The following BICRA variants were observed in gnomAD, a reference collection of about 807,000 sequenced individuals.
BICRA encodes BRD4 interacting chromatin remodeling complex associated protein, also known as BRD4-interacting chromatin-remodeling complex-associated protein.
Under a neutral mutation model 96.9 loss-of-function variants are expected in BICRA, and 31 were observed. The observed-to-expected ratio is 0.32, with a 90% CI of 0.24 to 0.43. The LOEUF (loss-of-function observed/expected upper bound fraction) is 0.43. BICRA is among the 20% of genes least tolerant of loss of function. BICRA has a pLI of 1.00. For missense variants in BICRA, 2,283 were observed against 2,190.3 expected (o/e 1.04, Z -0.84); for synonymous variants, 1,350 against 1,071.8 (o/e 1.26, Z -5.07).
intron 1 of BICRA, among the ~76,000 whole-genome samples, chr19:47,629,936 C>T (rs1275308305): frequency 6.6e-6 from 1 of 152,238 alleles, no homozygotes; most frequent in Admixed American, 6.5e-5. Flanking sequence ...GCTGGGATTA[C>T]AGGCATGAGC....
upstream of BICRA, among the ~76,000 whole-genome samples, chr19:47,608,656 G>A (rs953512373): frequency 1.1e-4 from 16 of 151,976 alleles, no homozygotes; most frequent in Admixed American, 2.6e-4. Context: ...GCGCGCCCCT[G>A]AACCCCCGGG....
chr19:47,684,651 C>T (rs1186816629), intron 7 of BICRA, among the ~76,000 whole-genome samples: 1 of 152,302 alleles, frequency 6.6e-6, no homozygotes, highest in Non-Finnish European at 1.5e-5. Flanking sequence ...TCACCACCTC[C>T]ACCAGGTAGG....
chr19:47,672,611 G>C (rs540637108), intron 2 of BICRA, among the ~76,000 whole-genome samples: 2 of 152,086 alleles, frequency 1.3e-5, no homozygotes, highest in African/African-American at 4.8e-5. Flanking sequence ...AGGCAGGGAA[G>C]GGAGGGATGT....
chr19:47,673,504 G>A, intron 2 of BICRA, 66 bp from the exon 3 acceptor site: 1 of 1,301,026 alleles, frequency 7.7e-7, no homozygotes, highest in Non-Finnish European at 1.1e-6. Flanking sequence ...GAAGGGAGGG[G>A]GCCAGGCAAG....
At chr19:47,688,114 C>T (rs1467036897) in intron 7 of BICRA, among the ~76,000 whole-genome samples, 5 of 151,986 alleles carry the variant, frequency 3.3e-5, no homozygotes, top group Admixed American at 6.6e-5. Context: ...GCCGCCTCCA[C>T]GTGGGGCTCT....
chr19:47,694,091 C>CCCCAA, intron 7 of BICRA, 24 bp from the exon 8 acceptor site: 1 of 1,406,844 alleles, frequency 7.1e-7, no homozygotes, highest in Non-Finnish European at 9.3e-7. Context: ...CCGCCCCTCC[C>CCCCAA]CTCTCCCTCC....
In BICRA at chr19:47,698,603, C is replaced by CCGGG; in HGVS notation, c.3249-31_3249-30insCGGG. The stretch of plus-strand genomic sequence containing the variant: ...CTCACCCGTCCCCCCCACCCTCCGC[C>CCGGG]GTGTGTGGTCTCTCCCCTTTCCACC... On this transcript the variant is annotated intron_variant, in intron 11 of 14. Coordinates refer to ENST00000594866, the MANE Select transcript of BICRA (RefSeq NM_001394372.1). This position sits in a 1 kb window ranked among gnomAD's most constrained non-coding sequence, Gnocchi z 4.8. 1 of 1,103,452 alleles carries CCGGG rather than the reference C, an allele frequency of 9.1e-7. No individual in the cohort carries two copies. The highest frequency in any genetic ancestry group is 1.3e-5 in the South Asian group (1 of 78,122). 68.4% of individuals were successfully genotyped at this position (1,103,452 alleles called of 1,614,324 possible).
chr19:47,682,554 A>G (rs1973081934), intron 7 of BICRA, among the ~76,000 whole-genome samples: 1 of 152,174 alleles, frequency 6.6e-6, no homozygotes, highest in African/African-American at 2.4e-5. Context: ...TGGATAGGGA[A>G]ACAGAATCAA....
At chr19:47,633,922 G>A (rs1165989194) in intron 1 of BICRA, among the ~76,000 whole-genome samples, 1 of 152,194 alleles carries the variant, frequency 6.6e-6, no homozygotes, top group African/African-American at 2.4e-5. Context: ...GCCGAGGGGC[G>A]TTCTGTGCGT....
intron 7 of BICRA, among the ~76,000 whole-genome samples, chr19:47,689,221 A>ATT (rs1266073480): frequency 6.6e-6 from 1 of 152,200 alleles, no homozygotes; most frequent in East Asian, 1.9e-4. Flanking sequence ...TATTTAAAAC[A>ATT]TTTTTTAAAT....
intron 1 of BICRA, among the ~76,000 whole-genome samples, chr19:47,664,120 A>T (rs548387210): frequency 1.8e-4 from 28 of 152,316 alleles, no homozygotes; most frequent in African/African-American, 6.0e-4. Context: ...TTGCCACATC[A>T]TTTGCACTTC....
At chr19:47,629,730 T>C (rs1355004581) in intron 1 of BICRA, among the ~76,000 whole-genome samples, 7 of 152,170 alleles carry the variant, frequency 4.6e-5, no homozygotes. Context: ...CGATCTCGAC[T>C]CACTGCAACC....
At position 47,694,303 on chromosome 19, in the gene BICRA, ACCCCAGGCCC is replaced by A; in HGVS notation, c.2478_2487del (p.Ala827LeufsTer12). The A allele has an allele frequency of 4.7e-6, 1 of 214,586 alleles. No homozygotes were observed. Among genetic ancestry groups the A allele is most frequent in the Non-Finnish European group, 7.9e-6 (1 of 127,346 alleles). 13.3% of individuals were successfully genotyped at this position (214,586 alleles called of 1,614,324 possible). A position where few individuals can be genotyped will look rare whatever the true frequency, so the allele number is the denominator to read the frequency against. Reference sequence around the variant, plus strand: ...AGCCACCCTTGCACCCTTGCCCCCCACCCCAGGCCCCCCCAACTCTGCCTGGCATCTTTGT... The same window carrying A: ...AGCCACCCTTGCACCCTTGCCCCCCACCCCAACTCTGCCTGGCATCTTTGT... On this transcript the variant is annotated frameshift_variant, in exon 8 of 15. Transcript: ENST00000594866. LOFTEE classifies it high-confidence loss of function.
intron 10 of BICRA, among the ~76,000 whole-genome samples, chr19:47,695,982 G>T (rs899554818): frequency 2.0e-5 from 3 of 152,018 alleles, no homozygotes; most frequent in African/African-American, 7.3e-5. Context: ...GACCCAAGAG[G>T]CCGGGAGAAG....
chr19:47,701,743 C>G lies in BICRA; in HGVS notation c.4011C>G (p.Pro1337=). The G allele has an allele frequency of 1.3e-6, 2 of 1,557,306 alleles. No individual in the cohort carries two copies. Among genetic ancestry groups the G allele is most frequent in the Non-Finnish European group, 1.7e-6 (2 of 1,150,312 alleles). ...CCGTGCACCAGCCCCCGCCACCCCC[C>G]GCTACCCTCAAGGTGGCCGAGCCCC... ...LDPVHQPPPP[P]ATLKVAEPPP... The change falls in exon 15 of 15, where the codon CCC becomes CCG. Residue 1337 remains proline, a synonymous_variant. Coordinates refer to ENST00000594866, the MANE Select transcript of BICRA (RefSeq NM_001394372.1). This position sits in a 1 kb window ranked among gnomAD's most constrained non-coding sequence, Gnocchi z 5.4.
chr19:47,671,905 A>AGG, intron 2 of BICRA, among the ~76,000 whole-genome samples: 1 of 131,034 alleles, frequency 7.6e-6, no homozygotes, highest in African/African-American at 2.9e-5. Flanking sequence ...AGATGGATGG[A>AGG]GAGATGGGTA....
At chr19:47,621,765 G>A (rs1050809239) in intron 1 of BICRA, among the ~76,000 whole-genome samples, 2 of 151,590 alleles carry the variant, frequency 1.3e-5, no homozygotes, top group East Asian at 3.9e-4. Context: ...CACTGCACCC[G>A]GCCTGAATTG....
chr19:47,658,496 G>T (rs940640617), intron 1 of BICRA, among the ~76,000 whole-genome samples: 10 of 152,096 alleles, frequency 6.6e-5, no homozygotes, highest in African/African-American at 2.4e-4. Flanking sequence ...GCCAGGCGTG[G>T]TGGCGAGTGC....
chr19:47,661,155 A>G (rs1972697904), intron 1 of BICRA, among the ~76,000 whole-genome samples: 1 of 151,032 alleles, frequency 6.6e-6, no homozygotes, highest in African/African-American at 2.4e-5. Context: ...CAGAGGTTGC[A>G]GTGAGCTGAA....
Sources: gnomAD v4.1 joint callset for allele counts (sites outside exome capture counted in the v4.1 genomes callset) on GRCh38, gnomAD v4.1.1 for gene constraint, Gnocchi (gnomAD v3.1) non-coding constraint, MANE v1.5 for transcripts, NCBI Gene and HGNC (gene_info 2026-07-23, HGNC 2026-07-21) for gene names.